Variants in GNG12 observed in about 807,000 individuals in gnomAD.
GNG12 encodes the protein guanine nucleotide-binding protein G(I)/G(S)/G(O) subunit gamma-12.
For synonymous variants in GNG12, 28 were observed against 29.7 expected (o/e 0.94, Z 0.19); for missense variants, 69 against 83.8 (o/e 0.82, Z 0.69).
intron 2 of GNG12, among the ~76,000 whole-genome samples, chr1:67,769,627 C>T (rs577570019): frequency 6.6e-6 from 1 of 152,274 alleles, no homozygotes; most frequent in Admixed American, 6.5e-5. Context: ...TGGAGTTATA[C>T]AGGTGCACGT....
intron 2 of GNG12, among the ~76,000 whole-genome samples, chr1:67,751,888 T>A (rs1646540808): frequency 6.6e-6 from 1 of 152,004 alleles, no homozygotes; most frequent in South Asian, 2.1e-4. Flanking sequence ...TTTTCTGGAG[T>A]CCACAGCTGT....
intron 2 of GNG12, among the ~76,000 whole-genome samples, chr1:67,719,708 A>C (rs1646346253): frequency 6.6e-6 from 1 of 152,204 alleles, no homozygotes; most frequent in Admixed American, 6.5e-5. Flanking sequence ...TTCTGCAACT[A>C]TAGGAGGTTG....
intron 2 of GNG12, among the ~76,000 whole-genome samples, chr1:67,708,421 T>C (rs1159497125): frequency 6.6e-6 from 1 of 152,188 alleles, no homozygotes; most frequent in Non-Finnish European, 1.5e-5. Flanking sequence ...ATTCCCTCCT[T>C]TGACCTCTCC....
At chr1:67,727,892 A>T (rs1646396094) in intron 2 of GNG12, among the ~76,000 whole-genome samples, 1 of 152,172 alleles carries the variant, frequency 6.6e-6, no homozygotes. Context: ...TTTTGCAGTT[A>T]ATTGGAAAAA....
Position 67,705,449 on chromosome 1 carries a change from C to T in GNG12, c.*2G>A, listed in dbSNP as rs778036855. ...GAGGCGAGGAGCTGTTTCTCTATTC[C>T]ACTATAAGATGATGCAAGTTTTTTT... On this transcript the variant is annotated 3_prime_UTR_variant, in exon 4 of 4. Transcript: ENST00000370982. 6.2e-7 allele frequency: 1 copy of T among 1,613,270 alleles called. No homozygotes were observed. Among genetic ancestry groups the T allele is most frequent in the South Asian group, 1.1e-5 (1 of 90,864 alleles).
intron 1 of GNG12, among the ~76,000 whole-genome samples, chr1:67,826,859 C>A (rs2000407): frequency 0.29 from 43,684 of 152,080 alleles, 6,428 homozygotes; most frequent in Admixed American, 0.35. Flanking sequence ...CAAAACAACA[C>A]AAAATTTGAG....
intron 2 of GNG12, among the ~76,000 whole-genome samples, chr1:67,714,922 G>T (rs1646316468): frequency 6.6e-6 from 1 of 150,958 alleles, no homozygotes; most frequent in Admixed American, 6.6e-5. Flanking sequence ...GCCATCTTTT[G>T]TTTGTTTGTT....
chr1:67,710,971 A>G (rs147339170), intron 2 of GNG12, among the ~76,000 whole-genome samples: 99 of 152,308 alleles, frequency 6.5e-4, no homozygotes, highest in African/African-American at 2.3e-3. Context: ...ACAAGCCATT[A>G]GACAACCCCT....
intron 1 of GNG12, among the ~76,000 whole-genome samples, chr1:67,821,254 T>C (rs995867394): frequency 2.0e-5 from 3 of 152,240 alleles, no homozygotes; most frequent in South Asian, 2.1e-4. Flanking sequence ...GAGTACCCTA[T>C]AGGTGGGCCC....
chr1:67,778,547 T>C (rs1399547345), intron 1 of GNG12, among the ~76,000 whole-genome samples: 2 of 152,238 alleles, frequency 1.3e-5, no homozygotes, highest in East Asian at 1.9e-4. Flanking sequence ...CAAATACTTA[T>C]ATATAGCACT....
At chr1:67,728,103 G>A (rs1228728056) in intron 2 of GNG12, among the ~76,000 whole-genome samples, 1 of 152,204 alleles carries the variant, frequency 6.6e-6, no homozygotes, top group Non-Finnish European at 1.5e-5. Flanking sequence ...AGGGCAAAAT[G>A]AAAGACAGAA....
chr1:67,788,795 TAAG>T (rs1448330382), intron 1 of GNG12, among the ~76,000 whole-genome samples: 2 of 152,230 alleles, frequency 1.3e-5, no homozygotes, highest in East Asian at 1.9e-4. Flanking sequence ...TCGACAGATT[TAAG>T]AAGGTTTAGA....
At chr1:67,780,574 C>G (rs1242307392) in intron 1 of GNG12, among the ~76,000 whole-genome samples, 1 of 152,194 alleles carries the variant, frequency 6.6e-6, no homozygotes, top group Non-Finnish European at 1.5e-5. Context: ...CAGGAAAACA[C>G]TGGAATAGCA....
At chr1:67,735,578 T>C (rs1228959844) in intron 2 of GNG12, among the ~76,000 whole-genome samples, 1 of 152,242 alleles carries the variant, frequency 6.6e-6, no homozygotes, top group Non-Finnish European at 1.5e-5. Flanking sequence ...AATGCATATG[T>C]AAAGTGCTTA....
At chr1:67,723,513 T>C (rs184481259) in intron 2 of GNG12, among the ~76,000 whole-genome samples, 70 of 152,336 alleles carry the variant, frequency 4.6e-4, no homozygotes, top group Non-Finnish European at 9.0e-4. Context: ...TTAGTGTTGT[T>C]TTCTATGTAC....
chr1:67,784,299 C>T (rs1646754763), intron 1 of GNG12, among the ~76,000 whole-genome samples: 1 of 127,258 alleles, frequency 7.9e-6, no homozygotes, highest in South Asian at 2.7e-4. Flanking sequence ...GGGAACATCA[C>T]ACTCTGGGGA....
chr1:67,828,516 A>G (rs956994813), intron 1 of GNG12, among the ~76,000 whole-genome samples: 1 of 152,156 alleles, frequency 6.6e-6, no homozygotes, highest in Non-Finnish European at 1.5e-5. Flanking sequence ...GGCTGTTGTG[A>G]CAACTGAGCA....
At chr1:67,729,200 T>C (rs1243175244) in intron 2 of GNG12, among the ~76,000 whole-genome samples, 3 of 152,148 alleles carry the variant, frequency 2.0e-5, no homozygotes, top group Admixed American at 2.0e-4. Flanking sequence ...GCATGTTTTT[T>C]CCTCACTTTG....
chr1:67,783,241 CT>C (rs1646747292), intron 1 of GNG12, among the ~76,000 whole-genome samples: 1 of 152,166 alleles, frequency 6.6e-6, no homozygotes, highest in African/African-American at 2.4e-5. Flanking sequence ...AATCAATCCC[CT>C]AATGCTGGAT....
Sources: allele counts gnomAD v4.1 joint callset (sites outside exome capture counted in the v4.1 genomes callset), GRCh38; gene constraint gnomAD v4.1.1; transcripts MANE v1.5; gene names NCBI Gene and HGNC (gene_info 2026-07-23, HGNC 2026-07-21).